PRICKLE1: variants seen among roughly 807,000 people sequenced by gnomAD.
PRICKLE1 encodes the protein prickle-like protein 1.
Under a neutral mutation model 70.2 loss-of-function variants are expected in PRICKLE1, and 14 were observed. The observed-to-expected ratio is 0.20, with a 90% confidence interval of 0.13 to 0.31. The LOEUF (loss-of-function observed/expected upper bound fraction) is 0.31. PRICKLE1 is among the 10% of genes least tolerant of loss of function. The pLI is 1.00. For missense variants in PRICKLE1, 821 were observed against 1,026.2 expected (o/e 0.80, Z 2.73); for synonymous variants, 357 against 379.9 (o/e 0.94, Z 0.70).
At chr12:42,529,973 G>A (rs796580477) in intron 1 of PRICKLE1, among the ~76,000 whole-genome samples, 10 of 139,614 alleles carry the variant, frequency 7.2e-5, no homozygotes, top group East Asian at 6.2e-4. Context: ...TTTTGGTGGC[G>A]TCTCACTCTG....
chr12:42,555,040 T>C (rs1037134034), intron 1 of PRICKLE1, among the ~76,000 whole-genome samples: 5 of 152,102 alleles, frequency 3.3e-5, no homozygotes, highest in African/African-American at 9.7e-5. Context: ...CAGTGGCTCA[T>C]CCCTGTAATC....
At chr12:42,564,291 G>T (rs1055827987) in intron 1 of PRICKLE1, among the ~76,000 whole-genome samples, 8 of 145,548 alleles carry the variant, frequency 5.5e-5, no homozygotes, top group African/African-American at 1.8e-4. Flanking sequence ...AAAAGAAAAA[G>T]GTCTCTTTCC....
At position 42,589,125 on chromosome 12, in the gene PRICKLE1, G is replaced by C. The variant is rs970315970; in HGVS notation, c.-49+340C>G. The C allele has an allele frequency of 6.6e-6, 1 of 152,280 alleles. No individual in the cohort carries two copies. The highest frequency in any genetic ancestry group is 2.1e-4 in the South Asian group (1 of 4,832). The allele number at this position is 152,280 out of a possible 1,614,324, so 9.4% of individuals were successfully genotyped here. A position where few individuals can be genotyped will look rare whatever the true frequency, so the allele number is the denominator to read the frequency against. On this transcript the variant is annotated intron_variant, in intron 1 of 7. Coordinates refer to ENST00000345127, the MANE Select transcript of PRICKLE1 (RefSeq NM_153026.3). This position sits in a 1 kb window ranked among gnomAD's most constrained non-coding sequence, Gnocchi z 5.0. ...ACACGCCAACGCACCCTCGCCTCCC[G>C]GCGCCCCGCATCGCCTCGACCCTCG...
intron 1 of PRICKLE1, among the ~76,000 whole-genome samples, chr12:42,507,439 G>C (rs1434517882): frequency 6.6e-6 from 1 of 152,190 alleles, no homozygotes; most frequent in Non-Finnish European, 1.5e-5. Context: ...ACCACAACTT[G>C]TTATTTGCCC....
intron 1 of PRICKLE1, among the ~76,000 whole-genome samples, chr12:42,515,529 A>G (rs2120429359): frequency 6.6e-6 from 1 of 152,244 alleles, no homozygotes; most frequent in South Asian, 2.1e-4. Flanking sequence ...CACCGTGCCC[A>G]GCCCCTAAGG....
chr12:42,486,802 T>C (rs79602611), intron 1 of PRICKLE1, among the ~76,000 whole-genome samples: 1,766 of 152,332 alleles, frequency 0.012, 40 homozygotes, highest in East Asian at 0.09. Context: ...TTATAACTAC[T>C]GTAAGTTCCA....
chr12:42,461,794 T>C (rs1459853955), intron 7 of PRICKLE1, among the ~76,000 whole-genome samples: 2 of 152,220 alleles, frequency 1.3e-5, no homozygotes, highest in East Asian at 3.8e-4. Flanking sequence ...GGAGACTACA[T>C]AACTTCGTAC....
In PRICKLE1 at chr12:42,490,881, T is replaced by A. The variant is rs554742678; in HGVS notation, c.-48-18317A>T. Among the ~76,000 whole-genome samples the A allele has an allele frequency of 1.7e-3, 256 of 152,222 alleles. 2 individuals are homozygous for A. The highest frequency in any genetic ancestry group is 5.9e-3 in the African/African-American group (244 of 41,544). On this transcript the variant is annotated intron_variant, in intron 1 of 7. Coordinates refer to ENST00000345127, the MANE Select transcript of PRICKLE1 (RefSeq NM_153026.3). ...GCTCAAACTTATTTTTTTATTTTTA[T>A]TTTTTTGAGACATAGTCTTAACTCT...
chr12:42,527,113 C>CTT (rs111480495), intron 1 of PRICKLE1, among the ~76,000 whole-genome samples: 14 of 117,354 alleles, frequency 1.2e-4, no homozygotes, highest in Non-Finnish European at 1.6e-4. Context: ...AGTGTGCTTT[C>CTT]TTTTTTTTTT....
intron 1 of PRICKLE1, among the ~76,000 whole-genome samples, chr12:42,518,901 T>C (rs759210075): frequency 2.0e-5 from 3 of 152,218 alleles, no homozygotes. Context: ...ATAACATGGT[T>C]ATAATGCCAC....
chr12:42,549,709 T>C (rs1940279439), intron 1 of PRICKLE1, among the ~76,000 whole-genome samples: 1 of 152,168 alleles, frequency 6.6e-6, no homozygotes, highest in Non-Finnish European at 1.5e-5. Flanking sequence ...AATCTATCCA[T>C]ACACCACACT....
intron 1 of PRICKLE1, among the ~76,000 whole-genome samples, chr12:42,539,241 G>A (rs1223155799): frequency 6.6e-6 from 1 of 152,126 alleles, no homozygotes; most frequent in East Asian, 1.9e-4. Context: ...GCCGAGGCGG[G>A]TGGATCACGA....
Position 42,459,494 on chromosome 12 carries a change from T to C in PRICKLE1, c.*315A>G, listed in dbSNP as rs1937713031. 1.5e-6 allele frequency: 1 copy of C among 647,074 alleles called. No individual in the cohort carries two copies. The allele number at this position is 647,074 out of a possible 1,614,324, so 40.1% of individuals were successfully genotyped here. A position where few individuals can be genotyped will look rare whatever the true frequency, so the allele number is the denominator to read the frequency against. Reference sequence around the variant, plus strand: ...AGTTCTCCATCTTCTAAAATCAACATCCAATCCCCTTCAGTCAGCATCTTC... The same window carrying C: ...AGTTCTCCATCTTCTAAAATCAACACCCAATCCCCTTCAGTCAGCATCTTC... On this transcript the variant is annotated 3_prime_UTR_variant, in exon 8 of 8. Coordinates refer to ENST00000345127, the MANE Select transcript of PRICKLE1 (RefSeq NM_153026.3).
At chr12:42,525,717 C>CT (rs34785466) in intron 1 of PRICKLE1, among the ~76,000 whole-genome samples, 17,949 of 138,418 alleles carry the variant, frequency 0.13, 1,990 homozygotes, top group African/African-American at 0.31. Context: ...GCTTTGTTTG[C>CT]TTTTTTTTTT....
intron 1 of PRICKLE1, among the ~76,000 whole-genome samples, chr12:42,552,185 G>C (rs1940330204): frequency 6.7e-6 from 1 of 150,042 alleles, no homozygotes; most frequent in Admixed American, 6.7e-5. Context: ...TCCCACCTCA[G>C]CCTCCCAAGT....
At chr12:42,502,912 T>C (rs1313573995) in intron 1 of PRICKLE1, among the ~76,000 whole-genome samples, 1 of 152,228 alleles carries the variant, frequency 6.6e-6, no homozygotes, top group African/African-American at 2.4e-5. Flanking sequence ...AAGAAGAGTA[T>C]GCAAACTTGC....
chr12:42,560,802 ACAC>A (rs1940500368), intron 1 of PRICKLE1, among the ~76,000 whole-genome samples: 1 of 151,210 alleles, frequency 6.6e-6, no homozygotes, highest in Non-Finnish European at 1.5e-5. Flanking sequence ...ACACACACAC[ACAC>A]ACACACACAC....
intron 1 of PRICKLE1, among the ~76,000 whole-genome samples, chr12:42,501,836 T>C (rs976454372): frequency 2.0e-5 from 3 of 152,292 alleles, no homozygotes; most frequent in Non-Finnish European, 4.4e-5. Context: ...GCTATATAAA[T>C]AACAAATTTA....
chr12:42,506,438 A>G (rs34929717), intron 1 of PRICKLE1, among the ~76,000 whole-genome samples: 26,062 of 150,466 alleles, frequency 0.17, 2,991 homozygotes, highest in African/African-American at 0.31. Context: ...TGCATTTTTA[A>G]TAGAGATGAG....
Sources: gnomAD v4.1 joint callset for allele counts (sites outside exome capture counted in the v4.1 genomes callset) on GRCh38, gnomAD v4.1.1 for gene constraint, Gnocchi (gnomAD v3.1) non-coding constraint, MANE v1.5 for transcripts, NCBI Gene and HGNC (gene_info 2026-07-23, HGNC 2026-07-21) for gene names.